The following RALGPS1 variants were observed in gnomAD, a reference collection of about 807,000 sequenced individuals.
RALGPS1 encodes ras-specific guanine nucleotide-releasing factor RalGPS1.
In RALGPS1, 19 loss-of-function variants were observed where a neutral mutation model predicts 78.8. The ratio of observed to expected loss-of-function variants is 0.24; its 90% CI spans 0.17 to 0.35. The LOEUF is 0.35. Among genes scored for constraint, RALGPS1 ranks in the 10% least tolerant of loss-of-function variants. RALGPS1 has a pLI of 1.00. For synonymous variants in RALGPS1, 228 were observed against 256.3 expected, an observed-to-expected ratio of 0.89 and a Z score of 1.06; for missense variants, 454 against 688.3, an observed-to-expected ratio of 0.66 and a Z score of 3.81.
intron 4 of RALGPS1, among the ~76,000 whole-genome samples, chr9:127,019,578 C>T (rs981264055): frequency 2.6e-5 from 4 of 152,120 alleles, no homozygotes; most frequent in Non-Finnish European, 5.9e-5. Flanking sequence ...CCACCCACCT[C>T]GGCCTCCCAA....
rs1211629005 is a variant in RALGPS1, at chr9:126,936,316, T to G, written c.-66+21341T>G. Reference sequence around the variant, plus strand: ...TGTGGCGCTTTTGAGGCAGGATGAATGGAGTGACTGCATAAGAACTTTATA... The same window carrying G: ...TGTGGCGCTTTTGAGGCAGGATGAAGGGAGTGACTGCATAAGAACTTTATA... On this transcript the variant is annotated intron_variant, in intron 1 of 18. Transcript: ENST00000259351. Among the ~76,000 whole-genome samples, 3 of 152,136 alleles carry G rather than the reference T, an allele frequency of 2.0e-5. No homozygotes were observed. In the East Asian group the frequency reaches 5.8e-4, roughly 29 times the overall value.
chr9:127,178,893 C>G (rs2060045380), intron 11 of RALGPS1, among the ~76,000 whole-genome samples: 1 of 152,252 alleles, frequency 6.6e-6, no homozygotes, highest in African/African-American at 2.4e-5. Flanking sequence ...AGTGATGGCA[C>G]AGTTAGTTGT....
At chr9:126,952,673 G>C (rs1195310220) in intron 1 of RALGPS1, among the ~76,000 whole-genome samples, 12 of 106,906 alleles carry the variant, frequency 1.1e-4, no homozygotes, top group African/African-American at 2.6e-4. Flanking sequence ...GTGTGTGTGT[G>C]TGTGTGTCTG....
chr9:126,939,486 A>G (rs1344284941), intron 1 of RALGPS1, among the ~76,000 whole-genome samples: 1 of 152,262 alleles, frequency 6.6e-6, no homozygotes, highest in African/African-American at 2.4e-5. Flanking sequence ...TAACACATAT[A>G]GAGCACTTAG....
At chr9:127,117,577 G>A (rs2055568978) in intron 8 of RALGPS1, among the ~76,000 whole-genome samples, 1 of 152,202 alleles carries the variant, frequency 6.6e-6, no homozygotes, top group African/African-American at 2.4e-5. Context: ...GGGAAACTTG[G>A]GGGGCTGTGG....
At chr9:127,094,734 C>G (rs1259507800) in intron 8 of RALGPS1, among the ~76,000 whole-genome samples, 13 of 152,198 alleles carry the variant, frequency 8.5e-5, no homozygotes, top group Admixed American at 8.5e-4. Context: ...CTTGCAGGCT[C>G]ATAAACTTAA....
rs181666488 is a variant in RALGPS1 at position 127,064,521 on chromosome 9, T to A, written c.484-4709T>A. Among the ~76,000 whole-genome samples the A allele has an allele frequency of 1.6e-3, 243 of 152,334 alleles. 1 individual carries two copies. Among genetic ancestry groups the A allele is most frequent in the Middle Eastern group, 3.4e-3 (1 of 294 alleles). ...AAACAACTAACATTCGTCACTCATCTCTCCACACCCCAATTATTCCCCAGA... is the reference window on the plus strand; with the variant it reads ...AAACAACTAACATTCGTCACTCATCACTCCACACCCCAATTATTCCCCAGA... On this transcript the variant is annotated intron_variant, in intron 7 of 18. Transcript: ENST00000259351.
intron 8 of RALGPS1, among the ~76,000 whole-genome samples, chr9:127,115,605 T>G (rs1008386356): frequency 6.6e-6 from 1 of 152,266 alleles, no homozygotes; most frequent in African/African-American, 2.4e-5. Context: ...TGTCAACTGC[T>G]AGGTCCAAAC....
chr9:127,131,750 A>G (rs2057019240), intron 8 of RALGPS1, among the ~76,000 whole-genome samples: 1 of 152,144 alleles, frequency 6.6e-6, no homozygotes, highest in Non-Finnish European at 1.5e-5. Flanking sequence ...CATCCTGTTT[A>G]TGTCCAGAAC....
chr9:127,071,830 T>G (rs2050228681), intron 8 of RALGPS1, among the ~76,000 whole-genome samples: 1 of 152,258 alleles, frequency 6.6e-6, no homozygotes, highest in Admixed American at 6.5e-5. Flanking sequence ...ATATAATTAA[T>G]ACATAATCCA....
chr9:127,007,606 G>A (rs959883260), intron 4 of RALGPS1, among the ~76,000 whole-genome samples: 7 of 152,186 alleles, frequency 4.6e-5, no homozygotes, highest in Non-Finnish European at 1.0e-4. Flanking sequence ...AACTGGTAAA[G>A]GGGAGAAGGA....
intron 1 of RALGPS1, among the ~76,000 whole-genome samples, chr9:126,959,765 G>A (rs1315803364): frequency 6.6e-6 from 1 of 152,090 alleles, no homozygotes; most frequent in African/African-American, 2.4e-5. Context: ...TTTAACCTAA[G>A]TTTTAAACTC....
chr9:127,073,466 C>CTGTGTGTGTGTGTGTGTGTGTG (rs58611833), intron 8 of RALGPS1, among the ~76,000 whole-genome samples: 93 of 143,026 alleles, frequency 6.5e-4, no homozygotes, highest in Admixed American at 1.3e-3. Context: ...GTGTGTGTGT[C>CTGTGTGTGTGTGTGTGTGTGTG]TGTGTGTGTG....
Position 127,141,509 on chromosome 9 carries a change from G to A in RALGPS1, c.611-24560G>A, listed in dbSNP as rs146662237. On this transcript the variant is annotated intron_variant, in intron 8 of 18. Transcript: ENST00000259351. ...AGCCTGACTGCTGCCAGAGAACCACGTGTGATCTCAGGCCAGTGGGTCCCA... is the reference window on the plus strand; with the variant it reads ...AGCCTGACTGCTGCCAGAGAACCACATGTGATCTCAGGCCAGTGGGTCCCA... 4.6e-5 allele frequency among the ~76,000 whole-genome samples: 7 copies of A among 151,230 alleles called. No individual in the cohort carries two copies. The East Asian group carries it at 9.7e-4, about 21-fold the overall frequency.
chr9:127,213,103 C>G, intron 17 of RALGPS1, 54 bp downstream of exon 17: 1 of 1,602,780 alleles, frequency 6.2e-7, no homozygotes, highest in Non-Finnish European at 8.5e-7. Context: ...CATTTCCTCT[C>G]TTGCACAGCG....
At chr9:127,202,704 T>G (rs901706169) in intron 14 of RALGPS1, among the ~76,000 whole-genome samples, 9 of 152,228 alleles carry the variant, frequency 5.9e-5, no homozygotes, top group African/African-American at 2.2e-4. Flanking sequence ...GGGCCCAGAA[T>G]GAGGACAGGG....
intron 4 of RALGPS1, among the ~76,000 whole-genome samples, chr9:126,989,345 C>T (rs2133146478): frequency 6.6e-6 from 1 of 152,120 alleles, no homozygotes; most frequent in East Asian, 1.9e-4. Flanking sequence ...GAGATGACAA[C>T]AGGAGAATGG....
intron 4 of RALGPS1, among the ~76,000 whole-genome samples, chr9:126,990,753 A>C (rs2042212965): frequency 6.6e-6 from 1 of 152,166 alleles, no homozygotes; most frequent in South Asian, 2.1e-4. Flanking sequence ...TACGACTTTT[A>C]AAAGTTTGAA....
chr9:127,027,793 G>C (rs193009794), intron 4 of RALGPS1, among the ~76,000 whole-genome samples: 2 of 152,208 alleles, frequency 1.3e-5, no homozygotes, highest in Admixed American at 1.3e-4. Context: ...CATGTAGAGC[G>C]TGGGCTCTGG....
Sources: allele counts gnomAD v4.1 joint callset (sites outside exome capture counted in the v4.1 genomes callset), GRCh38; gene constraint gnomAD v4.1.1; transcripts MANE v1.5; gene names NCBI Gene and HGNC (gene_info 2026-07-23, HGNC 2026-07-21).